The following SERINC5 variants were observed in gnomAD, a reference collection of about 807,000 sequenced individuals.
SERINC5 encodes the protein serine incorporator 5, also known as chromosome 5 open reading frame 12.
In SERINC5, 41 loss-of-function variants were observed where a neutral mutation model predicts 63.1. That is an observed-to-expected ratio of 0.65 (90% CI 0.51 to 0.84). The LOEUF (loss-of-function observed/expected upper bound fraction) is 0.84. Ranked by LOEUF, SERINC5 falls within the 40% of genes least tolerant of loss-of-function variation. The pLI is 0.00. For missense variants in SERINC5, 523 were observed against 573.0 expected (o/e 0.91, Z 0.89); for synonymous variants, 222 against 215.2 (o/e 1.03, Z -0.28).
At chr5:80,231,882 C>A (rs1478587609) in intron 1 of SERINC5, among the ~76,000 whole-genome samples, 1 of 151,856 alleles carries the variant, frequency 6.6e-6, no homozygotes, top group African/African-American at 2.4e-5. Flanking sequence ...GGGAGGATTA[C>A]CTGAGCCCAA....
At position 80,143,803 on chromosome 5, in the gene SERINC5, T is replaced by C. The variant is rs1409235413; in HGVS notation, c.1246A>G (p.Ser416Gly). Residue 416 changes from serine to glycine, a missense_variant, in exon 12 of 12, where the codon AGT becomes GGT. Ser to Gly is a moderately conservative substitution (Grantham distance 56). Transcript: ENST00000507668. ...CTGAAGAAGCTCTCGATGTTGGCAC[T>C]TTCGTAGCTGTGGAAACAAGACACC... ...MTVTNWFNYESANIESFFSGS... is the reference protein window; with the variant it reads ...MTVTNWFNYEGANIESFFSGS... The C allele has an allele frequency of 5.9e-6, 9 of 1,535,976 alleles. No individual in the cohort carries two copies. The African/African-American group carries it at 6.8e-5, about 12-fold the overall frequency.
At chr5:80,159,250 G>C (rs973404979) in intron 7 of SERINC5, among the ~76,000 whole-genome samples, 2 of 152,300 alleles carry the variant, frequency 1.3e-5, no homozygotes, top group Non-Finnish European at 2.9e-5. Flanking sequence ...AGTCTTGCTC[G>C]AAGTCAGGTG....
At chr5:80,172,227 G>A (rs1051419286) in intron 5 of SERINC5, among the ~76,000 whole-genome samples, 2 of 152,014 alleles carry the variant, frequency 1.3e-5, no homozygotes, top group African/African-American at 4.8e-5. Flanking sequence ...CTACTTGAGT[G>A]GCTGAATCGC....
At chr5:80,228,067 T>C (rs1036871075) in intron 1 of SERINC5, among the ~76,000 whole-genome samples, 2 of 127,454 alleles carry the variant, frequency 1.6e-5, no homozygotes, top group African/African-American at 5.9e-5. Context: ...ACAAATAATA[T>C]GAAAAAAAAA....
At chr5:80,136,535 C>G (rs1322666076), downstream of SERINC5, among the ~76,000 whole-genome samples, 1 of 152,070 alleles carries the variant, frequency 6.6e-6, no homozygotes, top group East Asian at 1.9e-4. Context: ...ATTAAAAAAT[C>G]AACTTACAAT....
chr5:80,145,709 G>A (rs914064560), intron 11 of SERINC5, among the ~76,000 whole-genome samples: 4 of 152,126 alleles, frequency 2.6e-5, no homozygotes, highest in East Asian at 1.9e-4. Flanking sequence ...CAGTTTCCAG[G>A]GTTAAAACAT....
At chr5:80,224,904 G>A (rs1290954649) in intron 1 of SERINC5, among the ~76,000 whole-genome samples, 2 of 149,624 alleles carry the variant, frequency 1.3e-5, no homozygotes, top group African/African-American at 2.5e-5. Context: ...AATTACAGGC[G>A]TGAGCCATCA....
At chr5:80,218,355 A>G (rs958276976) in intron 1 of SERINC5, among the ~76,000 whole-genome samples, 1 of 152,212 alleles carries the variant, frequency 6.6e-6, no homozygotes, top group African/African-American at 2.4e-5. Flanking sequence ...AGCCTGACCA[A>G]TATGAAGAAA....
chr5:80,239,230 G>A (rs537191671), intron 1 of SERINC5, among the ~76,000 whole-genome samples: 35 of 152,288 alleles, frequency 2.3e-4, no homozygotes, highest in African/African-American at 7.5e-4. Context: ...CGGGCATTAC[G>A]CCCATCAGAA....
At chr5:80,254,061 G>A (rs1178277761) in intron 1 of SERINC5, among the ~76,000 whole-genome samples, 1 of 152,156 alleles carries the variant, frequency 6.6e-6, no homozygotes, top group Non-Finnish European at 1.5e-5. Context: ...GTGTAGCTGG[G>A]ATTACAGGCA....
chr5:80,156,938 A>G (rs1269117932), intron 8 of SERINC5: 2 of 150,618 alleles, frequency 1.3e-5, no homozygotes, highest in East Asian at 3.9e-4. Flanking sequence ...CATCTTTTCC[A>G]TTGAAGGGTT....
chr5:80,173,966 GC>G (rs1420177014), intron 5 of SERINC5, among the ~76,000 whole-genome samples: 2 of 145,468 alleles, frequency 1.4e-5, no homozygotes, highest in Non-Finnish European at 3.1e-5. Context: ...CAAAATTTGA[GC>G]TAGAAAGGAA....
At chr5:80,180,798 A>G (rs1461123142) in intron 2 of SERINC5, among the ~76,000 whole-genome samples, 2 of 152,226 alleles carry the variant, frequency 1.3e-5, no homozygotes, top group African/African-American at 4.8e-5. Context: ...CAGAGAAATG[A>G]CTGCTGTCCT....
chr5:80,187,475 G>A (rs1420776453), intron 2 of SERINC5, among the ~76,000 whole-genome samples: 1 of 151,914 alleles, frequency 6.6e-6, no homozygotes, highest in Non-Finnish European at 1.5e-5. Flanking sequence ...ATGACTTCCT[G>A]TTATTGGTCA....
intron 2 of SERINC5, among the ~76,000 whole-genome samples, chr5:80,193,658 TC>T (rs1749332537): frequency 6.6e-6 from 1 of 152,184 alleles, no homozygotes; most frequent in African/African-American, 2.4e-5. Context: ...AACCTCTTTG[TC>T]CTTGGTTCAG....
rs1294168560 is a variant in SERINC5 at position 80,140,430 on chromosome 5, G to A, written c.*3233C>T. 1 of 982,130 alleles carries A rather than the reference G, an allele frequency of 1.0e-6. No homozygotes were observed. Among genetic ancestry groups the A allele is most frequent in the East Asian group, 1.2e-4 (1 of 8,496 alleles). The allele number at this position is 982,130 out of a possible 1,614,324, so 60.8% of individuals were successfully genotyped here. ...TTCTGAGGAATCGGAAATAAACAAT[G>A]TTGTATGGAAACAGAACCCCAAAAC... On this transcript the variant is annotated 3_prime_UTR_variant, in exon 12 of 12. Coordinates refer to ENST00000507668, the MANE Select transcript of SERINC5 (RefSeq NM_001174072.3).
intron 5 of SERINC5, among the ~76,000 whole-genome samples, chr5:80,169,789 A>G (rs1747533232): frequency 6.6e-6 from 1 of 152,220 alleles, no homozygotes; most frequent in African/African-American, 2.4e-5. Context: ...ACAATGAGAG[A>G]ATTCCACTTT....
intron 5 of SERINC5, among the ~76,000 whole-genome samples, chr5:80,172,787 C>G (rs1747748043): frequency 6.6e-6 from 1 of 152,210 alleles, no homozygotes; most frequent in African/African-American, 2.4e-5. Context: ...ACACTGCTGA[C>G]TGGTTTGTGC....
At chr5:80,229,025 T>TC (rs1751299579) in intron 1 of SERINC5, among the ~76,000 whole-genome samples, 1 of 27,574 alleles carries the variant, frequency 3.6e-5, no homozygotes, top group Non-Finnish European at 6.5e-5. Context: ...ACATACCTTT[T>TC]TTTTTTTTTT....
Sources: allele counts gnomAD v4.1 joint callset (sites outside exome capture counted in the v4.1 genomes callset), GRCh38; gene constraint gnomAD v4.1.1; transcripts MANE v1.5; gene names NCBI Gene and HGNC (gene_info 2026-07-23, HGNC 2026-07-21).